ASAP1: variants seen among roughly 807,000 people sequenced by gnomAD.
ASAP1 encodes the protein ArfGAP with SH3 domain, ankyrin repeat and PH domain 1.
ASAP1 carries 43 observed loss-of-function variants against 145.2 expected under a neutral mutation model. The observed-to-expected ratio is 0.30, with a 90% CI of 0.23 to 0.38. The LOEUF (loss-of-function observed/expected upper bound fraction) is 0.38, where lower values mean the gene tolerates loss of function less well. Ranked by LOEUF, ASAP1 falls within the 10% of genes least tolerant of loss-of-function variation. ASAP1 has a pLI of 1.00. For missense variants in ASAP1, 1,018 were observed against 1,355.3 expected (o/e 0.75, Z 3.91); for synonymous variants, 546 against 515.5 (o/e 1.06, Z -0.80).
At chr8:130,222,809 T>C (rs1817369979) in intron 4 of ASAP1, among the ~76,000 whole-genome samples, 1 of 152,340 alleles carries the variant, frequency 6.6e-6, no homozygotes, top group Admixed American at 6.5e-5. Flanking sequence ...GTTAAGCAAG[T>C]TGCTCAATGT....
intron 5 of ASAP1, among the ~76,000 whole-genome samples, chr8:130,199,984 G>T (rs1815762982): frequency 6.6e-6 from 1 of 152,100 alleles, no homozygotes; most frequent in Non-Finnish European, 1.5e-5. Context: ...ATAACTTTTT[G>T]AAAAAGTCTG....
chr8:130,211,119 T>C lies in ASAP1; in HGVS notation c.405+3437A>G, dbSNP rs551097562. ...TGATCCTCCAACCACCTATGCTTCATAGCCTCTCGAATCCTATGTTACAAG... is the reference window on the plus strand; with the variant it reads ...TGATCCTCCAACCACCTATGCTTCACAGCCTCTCGAATCCTATGTTACAAG... On this transcript the variant is annotated intron_variant, in intron 5 of 29. Coordinates refer to ENST00000518721, the MANE Select transcript of ASAP1 (RefSeq NM_018482.4). 3.3e-5 allele frequency among the ~76,000 whole-genome samples: 5 copies of C among 152,316 alleles called. No individual in the cohort carries two copies. The South Asian group carries it at 6.2e-4, about 19-fold the overall frequency.
chr8:130,063,806 C>T (rs1051609720), intron 27 of ASAP1, among the ~76,000 whole-genome samples: 3 of 152,134 alleles, frequency 2.0e-5, no homozygotes, highest in Admixed American at 6.5e-5. Context: ...GGGCATGTGC[C>T]GTGCCCAGCA....
At chr8:130,192,505 G>A (rs1279904920) in intron 5 of ASAP1, among the ~76,000 whole-genome samples, 1 of 152,080 alleles carries the variant, frequency 6.6e-6, no homozygotes. Context: ...TTTGCTCTGA[G>A]TCCTCAATTT....
At chr8:130,315,430 AG>A (rs1169461396) in intron 3 of ASAP1, among the ~76,000 whole-genome samples, 1 of 152,222 alleles carries the variant, frequency 6.6e-6, no homozygotes, top group Non-Finnish European at 1.5e-5. Context: ...GGTCTAAGGC[AG>A]GGGTAAGTCT....
intron 3 of ASAP1, among the ~76,000 whole-genome samples, chr8:130,345,648 T>A (rs774361963): frequency 5.3e-5 from 8 of 152,164 alleles, no homozygotes; most frequent in Non-Finnish European, 1.0e-4. Context: ...ATGTGAGAGT[T>A]TGAAACAGCC....
chr8:130,066,808 G>T (rs2097431868), intron 27 of ASAP1, among the ~76,000 whole-genome samples: 1 of 152,190 alleles, frequency 6.6e-6, no homozygotes, highest in African/African-American at 2.4e-5. Context: ...GAGTCCCACA[G>T]GTGTGCCCTG....
At chr8:130,091,255 G>C (rs1028266948) in intron 25 of ASAP1, among the ~76,000 whole-genome samples, 6 of 152,182 alleles carry the variant, frequency 3.9e-5, no homozygotes, top group African/African-American at 1.4e-4. Context: ...ATTTTAGTGG[G>C]GCGGCTTACA....
chr8:130,357,974 G>T (rs745596288), intron 3 of ASAP1, 43 bp downstream of exon 3: 13 of 1,571,442 alleles, frequency 8.3e-6, no homozygotes, highest in Non-Finnish European at 9.5e-6. Context: ...GCTGCGCGGC[G>T]GCAGCGGCGA....
At chr8:130,232,637 C>CA (rs1378069594) in intron 4 of ASAP1, among the ~76,000 whole-genome samples, 2 of 150,328 alleles carry the variant, frequency 1.3e-5, no homozygotes, top group East Asian at 2.0e-4. Context: ...AAAAAAAAAC[C>CA]AAAAAACCCT....
At chr8:130,401,013 T>A (rs1330808734) in intron 2 of ASAP1, among the ~76,000 whole-genome samples, 1 of 151,776 alleles carries the variant, frequency 6.6e-6, no homozygotes, top group Admixed American at 6.6e-5. Context: ...CCCGAGTAGC[T>A]GGGATTACAG....
chr8:130,063,625 T>C (rs1437238654), intron 27 of ASAP1, among the ~76,000 whole-genome samples: 1 of 152,160 alleles, frequency 6.6e-6, no homozygotes, highest in Non-Finnish European at 1.5e-5. Context: ...TAGCTTCATC[T>C]TCCTAAGAGC....
At chr8:130,217,169 T>C (rs542182472) in intron 4 of ASAP1, among the ~76,000 whole-genome samples, 7 of 152,368 alleles carry the variant, frequency 4.6e-5, no homozygotes, top group African/African-American at 1.7e-4. Context: ...TTCAGATGCC[T>C]GTACTCAACT....
intron 27 of ASAP1, among the ~76,000 whole-genome samples, chr8:130,075,810 T>C (rs1336549390): frequency 6.6e-6 from 1 of 152,212 alleles, no homozygotes; most frequent in South Asian, 2.1e-4. Context: ...ACTGCTTTCT[T>C]GTACTTTGCA....
At chr8:130,209,968 T>C (rs1565092347) in intron 5 of ASAP1, among the ~76,000 whole-genome samples, 1 of 152,250 alleles carries the variant, frequency 6.6e-6, no homozygotes, top group Non-Finnish European at 1.5e-5. Flanking sequence ...TTTGGAAAAC[T>C]TGAATTTGCC....
chr8:130,442,942 C>T (rs967670137), intron 1 of ASAP1, among the ~76,000 whole-genome samples: 1 of 152,186 alleles, frequency 6.6e-6, no homozygotes, highest in African/African-American at 2.4e-5. Flanking sequence ...CTCCCCCCAC[C>T]CCCTTCCCTT....
intron 25 of ASAP1, among the ~76,000 whole-genome samples, chr8:130,082,359 T>A (rs2097482455): frequency 6.6e-6 from 1 of 152,122 alleles, no homozygotes; most frequent in South Asian, 2.1e-4. Flanking sequence ...GCATTTATTT[T>A]TTTTCTTATT....
At position 130,107,343 on chromosome 8, in the gene ASAP1, C is replaced by T. The variant is rs535000556; in HGVS notation, c.2401+4751G>A. On this transcript the variant is annotated intron_variant, in intron 24 of 29. Coordinates refer to ENST00000518721, the MANE Select transcript of ASAP1 (RefSeq NM_018482.4). ...GACTACAGGCGTCCTCCACCACACC[C>T]GGCTAATTTTTGTTTGTATTTTTAG... Among the ~76,000 whole-genome samples, 23 of 151,734 alleles carry T rather than the reference C, an allele frequency of 1.5e-4. No homozygotes were observed. In the South Asian group the frequency reaches 4.2e-3, roughly 28 times the overall value.
At chr8:130,348,203 A>G (rs1419551197) in intron 3 of ASAP1, among the ~76,000 whole-genome samples, 1 of 152,214 alleles carries the variant, frequency 6.6e-6, no homozygotes, top group East Asian at 1.9e-4. Flanking sequence ...AGGCTATTTT[A>G]ATAATAGAGC....
Sources: allele counts gnomAD v4.1 joint callset (sites outside exome capture counted in the v4.1 genomes callset), GRCh38; gene constraint gnomAD v4.1.1; transcripts MANE v1.5; gene names NCBI Gene and HGNC (gene_info 2026-07-23, HGNC 2026-07-21).